Variants in COL11A1 observed in about 807,000 individuals in gnomAD.
The protein encoded by COL11A1 is collagen alpha-1(XI) chain.
COL11A1 carries 74 observed loss-of-function variants against 265.2 expected under a neutral mutation model. The ratio of observed to expected loss-of-function variants is 0.28; its 90% confidence interval spans 0.23 to 0.34. The LOEUF is 0.34. COL11A1 is among the 10% of genes least tolerant of loss of function. The pLI, the probability that COL11A1 is intolerant of heterozygous loss-of-function variation, is 1.00. For synonymous variants in COL11A1, 816 were observed against 727.6 expected, an observed-to-expected ratio of 1.12 and a Z score of -1.96; for missense variants, 2,165 against 2,263.6, an observed-to-expected ratio of 0.96 and a Z score of 0.88.
chr1:102,946,758 G>A (rs917418711), intron 42 of COL11A1, 91 bp downstream of exon 42: 18 of 966,276 alleles, frequency 1.9e-5, no homozygotes, highest in South Asian at 5.5e-5. Context: ...GAGAGAATAC[G>A]GTGGTGTATG....
At chr1:102,953,476 A>G (rs1660084856) in intron 41 of COL11A1, among the ~76,000 whole-genome samples, 1 of 152,146 alleles carries the variant, frequency 6.6e-6, no homozygotes, top group Admixed American at 6.5e-5. Flanking sequence ...TGATACATCT[A>G]AAGTTATTTC....
Position 103,031,117 on chromosome 1 carries a change from T to G in COL11A1, c.779A>C (p.Glu260Ala), listed in dbSNP as rs1392566303. Reference protein sequence around the residue: ...AAQAQEPQIDEYAPEDIIEYD... With the variant: ...AAQAQEPQIDAYAPEDIIEYD... Reference sequence around the variant, plus strand: ...CTTCTCTGGTCTTGTGCTCCTCACCTCATCTATCTGAGGTTCCTGAGCTTG... The same window carrying G: ...CTTCTCTGGTCTTGTGCTCCTCACCGCATCTATCTGAGGTTCCTGAGCTTG... Residue 260 changes from glutamate to alanine, a missense_variant and splice_region_variant, in exon 5 of 67, where the codon GAG (glutamate) becomes GCG (alanine). Physicochemically the swap from Glu to Ala is moderately radical, Grantham distance 107. Coordinates refer to ENST00000370096, the MANE Select transcript of COL11A1 (RefSeq NM_001854.4). 1 of 1,613,294 alleles carries G rather than the reference T, an allele frequency of 6.2e-7. No individual in the cohort carries two copies. Among genetic ancestry groups the G allele is most frequent in the Non-Finnish European group, 8.5e-7 (1 of 1,179,578 alleles).
intron 47 of COL11A1, 46 bp from the exon 48 acceptor site, chr1:102,921,617 T>C: frequency 6.8e-7 from 1 of 1,467,392 alleles, no homozygotes; most frequent in Non-Finnish European, 9.4e-7. Context: ...AATTCAAATG[T>C]GTTTCCAACA....
rs1174962553 is a variant in COL11A1, at chr1:103,031,177, C to A, written c.719G>T (p.Ser240Ile). The A allele has an allele frequency of 6.2e-7, 1 of 1,610,866 alleles. No homozygotes were observed. The highest frequency in any genetic ancestry group is 8.5e-7 in the Non-Finnish European group (1 of 1,178,932). ...KAAYDYCEHY[S>I]PDCDSSAPKA... ...GGGTGCTGAAGAGTCACAGTCTGGA[C>A]TATAATGCTCACAGTAGTCATATGC... The change falls in exon 5 of 67, where the codon AGT becomes ATT. Residue 240 changes from serine to isoleucine, a missense_variant. Coordinates refer to ENST00000370096, the MANE Select transcript of COL11A1 (RefSeq NM_001854.4).
At chr1:102,944,446 A>G (rs1202410167) in intron 42 of COL11A1, among the ~76,000 whole-genome samples, 2 of 152,170 alleles carry the variant, frequency 1.3e-5, no homozygotes, top group African/African-American at 4.8e-5. Flanking sequence ...GGCTAATAGA[A>G]AATGGAATGA....
intron 46 of COL11A1, among the ~76,000 whole-genome samples, chr1:102,933,889 A>C (rs561243633): frequency 6.6e-6 from 1 of 152,292 alleles, no homozygotes; most frequent in Non-Finnish European, 1.5e-5. Flanking sequence ...TGACTCAGAA[A>C]GGGAACTCCC....
chr1:102,985,843 G>A (rs1296337308), intron 30 of COL11A1, among the ~76,000 whole-genome samples: 1 of 152,088 alleles, frequency 6.6e-6, no homozygotes, highest in East Asian at 1.9e-4. Context: ...GGGTTTAAAC[G>A]CCCCATAAGG....
rs2101280239 is a variant in COL11A1 at position 102,938,943 on chromosome 1, G to T, written c.3438+92C>A. ...TATTGGTATTATAAGTATTGGCTAG[G>T]AAAGTAAGTAGCACTATATAAAAAT... On this transcript the variant is annotated intron_variant, in intron 44 of 66. Coordinates refer to ENST00000370096, the MANE Select transcript of COL11A1 (RefSeq NM_001854.4). 2.8e-6 allele frequency: 3 copies of T among 1,073,844 alleles called. No individual in the cohort carries two copies. In the South Asian group the frequency reaches 3.7e-5, roughly 13 times the overall value. The allele number at this position is 1,073,844 out of a possible 1,614,324, so 66.5% of individuals were successfully genotyped here.
At position 103,006,197 on chromosome 1, in the gene COL11A1, A is replaced by ATAAATAAG. The variant is rs1665595462; in HGVS notation, c.1737+64_1737+65insCTTATTTA. On this transcript the variant is annotated intron_variant, in intron 16 of 66. Coordinates refer to ENST00000370096, the MANE Select transcript of COL11A1 (RefSeq NM_001854.4). Reference sequence around the variant, plus strand: ...GGAAGTAAAATAAATAAATAAATAAATAAATAAATAAAACTAATGATCATG... The same window carrying ATAAATAAG: ...GGAAGTAAAATAAATAAATAAATAAATAAATAAGTAAATAAATAAAACTAATGATCATG... The ATAAATAAG allele has an allele frequency of 8.9e-6, 12 of 1,350,796 alleles. 1 individual carries two copies. The South Asian group carries it at 1.8e-4, about 21-fold the overall frequency. 83.7% of individuals were successfully genotyped at this position (1,350,796 alleles called of 1,614,324 possible). A position where few individuals can be genotyped will look rare whatever the true frequency, so the allele number is the denominator to read the frequency against.
intron 58 of COL11A1, among the ~76,000 whole-genome samples, chr1:102,889,872 T>G (rs1393613684): frequency 2.0e-5 from 3 of 148,622 alleles, no homozygotes; most frequent in African/African-American, 5.2e-5. Context: ...AATGATCTCC[T>G]ATAATATAAG....
intron 4 of COL11A1, among the ~76,000 whole-genome samples, chr1:103,071,831 AGT>A (rs71592261): frequency 0.27 from 7,811 of 29,258 alleles, 222 homozygotes; most frequent in East Asian, 0.52. Context: ...TGGATAATTA[AGT>A]TAACATACAA....
At chr1:102,900,036 T>C (rs1652990033) in intron 54 of COL11A1, among the ~76,000 whole-genome samples, 1 of 152,108 alleles carries the variant, frequency 6.6e-6, no homozygotes, top group Admixed American at 6.6e-5. Context: ...ATTGCACGTG[T>C]ACCCCATGAA....
At chr1:103,042,276 GAC>G (rs770530648) in intron 4 of COL11A1, among the ~76,000 whole-genome samples, 12 of 152,132 alleles carry the variant, frequency 7.9e-5, no homozygotes, top group African/African-American at 1.4e-4. Flanking sequence ...TAAGATATGA[GAC>G]ACATATTTCT....
chr1:102,895,795 C>G (rs1004046612), intron 57 of COL11A1, among the ~76,000 whole-genome samples: 27 of 149,810 alleles, frequency 1.8e-4, no homozygotes, highest in African/African-American at 6.6e-4. Flanking sequence ...CTGTGTATAT[C>G]TAGTATCCTC....
Position 103,012,473 on chromosome 1 carries a change from G to C in COL11A1, c.1573-4C>G, listed in dbSNP as rs1666212120. 1.2e-6 allele frequency: 2 copies of C among 1,610,220 alleles called. No individual in the cohort carries two copies. Among genetic ancestry groups the C allele is most frequent in the Non-Finnish European group, 1.7e-6 (2 of 1,176,958 alleles). On this transcript the variant is annotated splice_polypyrimidine_tract_variant and splice_region_variant and intron_variant, in intron 13 of 66. Transcript: ENST00000370096. Reference sequence around the variant, plus strand: ...CAGGTGGGCCTCTCAGAGCAATCTAGAAAACAAAATATATCAAATTCAGTA... The same window carrying C: ...CAGGTGGGCCTCTCAGAGCAATCTACAAAACAAAATATATCAAATTCAGTA...
chr1:102,939,560 T>A (rs1197398700), intron 43 of COL11A1, among the ~76,000 whole-genome samples: 1 of 146,174 alleles, frequency 6.8e-6, no homozygotes. Context: ...AAAAGTTAGC[T>A]GCACATGGTG....
At chr1:102,985,511 A>G (rs1663449070) in intron 30 of COL11A1, among the ~76,000 whole-genome samples, 1 of 152,162 alleles carries the variant, frequency 6.6e-6, no homozygotes, top group African/African-American at 2.4e-5. Flanking sequence ...CAGGATAAGT[A>G]AAATTATCTA....
At chr1:102,992,432 C>T (rs993843451) in intron 28 of COL11A1, among the ~76,000 whole-genome samples, 2 of 151,948 alleles carry the variant, frequency 1.3e-5, no homozygotes, top group African/African-American at 2.4e-5. Flanking sequence ...TACTAACTTG[C>T]TATATCACCT....
chr1:103,008,408 T>G, intron 15 of COL11A1, 55 bp downstream of exon 15: 1 of 1,422,918 alleles, frequency 7.0e-7, no homozygotes, highest in South Asian at 1.2e-5. Flanking sequence ...TCGAAGGAAT[T>G]ATGCTGTATC....
Sources: gnomAD v4.1 joint callset for allele counts (sites outside exome capture counted in the v4.1 genomes callset) on GRCh38, gnomAD v4.1.1 for gene constraint, MANE v1.5 for transcripts, NCBI Gene and HGNC (gene_info 2026-07-23, HGNC 2026-07-21) for gene names.